The following GAS6 variants were observed in gnomAD, a reference collection of about 807,000 sequenced individuals.
GAS6 encodes growth arrest specific 6.
Under a neutral mutation model 75.8 loss-of-function variants are expected in GAS6, and 41 were observed. The observed-to-expected ratio is 0.54, with a 90% CI of 0.42 to 0.70. The LOEUF (loss-of-function observed/expected upper bound fraction) is 0.70, where lower values mean the gene tolerates loss of function less well. Ranked by LOEUF, GAS6 falls within the 30% of genes least tolerant of loss-of-function variation. GAS6 has a pLI of 0.00. For synonymous variants in GAS6, 432 were observed against 412.6 expected (o/e 1.05, Z -0.57); for missense variants, 854 against 940.2 (o/e 0.91, Z 1.20).
At position 113,821,414 on chromosome 13, in the gene GAS6, C is replaced by T. The variant is rs75954557; in HGVS notation, c.1883-396G>A. On this transcript the variant is annotated intron_variant, in intron 14 of 14. Transcript: ENST00000327773. ...CCAAGAGAGAAATCCTGCCGTTTGC[C>T]GCAAGTGAAAACCTGCGGGCAGCCG... 1,034 of 241,006 alleles carry T rather than the reference C, an allele frequency of 4.3e-3. 14 individuals carry two copies. Among genetic ancestry groups the T allele is most frequent in the African/African-American group, 0.021 (963 of 45,726 alleles). The allele number at this position is 241,006 out of a possible 1,614,324, so 14.9% of individuals were successfully genotyped here.
At chr13:113,852,154 C>A (rs906089886) in intron 2 of GAS6, among the ~76,000 whole-genome samples, 3 of 152,230 alleles carry the variant, frequency 2.0e-5, no homozygotes, top group Non-Finnish European at 2.9e-5. Flanking sequence ...AACATAAATT[C>A]GTAAACTTTC....
In GAS6 at chr13:113,826,984, G is replaced by C. The variant is rs372580584; in HGVS notation, c.1477+12C>G. On this transcript the variant is annotated intron_variant, in intron 12 of 14. Coordinates refer to ENST00000327773, the MANE Select transcript of GAS6 (RefSeq NM_000820.4). ...AGCCACAGCCACCCCAACGGTAAGA[G>C]CCAAGACTTACTGTAGTCCAGGCTG... 6 of 1,611,520 alleles carry C rather than the reference G, an allele frequency of 3.7e-6. No homozygotes were observed. In the African/African-American group the frequency reaches 5.3e-5, roughly 14 times the overall value.
At chr13:113,833,263 G>A in intron 8 of GAS6, 1 of 1,047,628 alleles carries the variant, frequency 9.5e-7, no homozygotes, top group Non-Finnish European at 1.2e-6. Flanking sequence ...TGGGCAGCCA[G>A]GGTGAGCTGG....
intron 2 of GAS6, among the ~76,000 whole-genome samples, chr13:113,861,064 C>T (rs1165230900): frequency 6.6e-6 from 1 of 151,760 alleles, no homozygotes; most frequent in Non-Finnish European, 1.5e-5. Flanking sequence ...GCTGGAAGGG[C>T]TGCACAGCGG....
chr13:113,863,985 CG>C lies in GAS6; in HGVS notation c.-66del, dbSNP rs1376062300. 9.8e-7 allele frequency: 1 copy of C among 1,022,616 alleles called. No individual in the cohort carries two copies. The highest frequency in any genetic ancestry group is 9.7e-5 in the East Asian group (1 of 10,266). 63.3% of individuals were successfully genotyped at this position (1,022,616 alleles called of 1,614,324 possible). A position where few individuals can be genotyped will look rare whatever the true frequency, so the allele number is the denominator to read the frequency against. On this transcript the variant is annotated 5_prime_UTR_variant, in exon 1 of 15. An upstream open reading frame in the 5' UTR loses its in-frame stop. Transcript: ENST00000327773. This position sits in a 1 kb window ranked among gnomAD's most constrained non-coding sequence, Gnocchi z 9.4. Reference sequence around the variant, plus strand: ...GAGGCGAGCCGCGGGCGCCGCGGGGCGGAGGCTCCGGTCATCCCGTCCTGGC... The same window carrying C: ...GAGGCGAGCCGCGGGCGCCGCGGGGCGAGGCTCCGGTCATCCCGTCCTGGC...
At position 113,832,455 on chromosome 13, in the gene GAS6, G is replaced by A. The variant is rs2051640895; in HGVS notation, c.987C>T (p.Asp329=). ...LVAEFDFRTF[D]PEGILLFAGG... ...CGGCAAAGAGGAGGATGCCCTCGGG[G>A]TCAAAGGTCCGGAAGTCAAACTCAG... is the stretch of plus-strand genomic sequence containing the variant. The change falls in exon 10 of 15, where the codon GAC becomes GAT. Residue 329 remains aspartate, a synonymous_variant. Coordinates refer to ENST00000327773, the MANE Select transcript of GAS6 (RefSeq NM_000820.4). 1.2e-6 allele frequency: 2 copies of A among 1,606,544 alleles called. No homozygotes were observed. Among genetic ancestry groups the A allele is most frequent in the Admixed American group, 1.7e-5 (1 of 59,770 alleles).
chr13:113,832,326 C>CG lies in GAS6; in HGVS notation c.1115dup (p.Val373GlyfsTer13). On this transcript the variant is annotated frameshift_variant, in exon 10 of 15. Coordinates refer to ENST00000327773, the MANE Select transcript of GAS6 (RefSeq NM_000820.4). ...TCTGCCACATGCCATGGTTGATGAC[C>CG]GGGCCGCTGCTGGTGACACGGCCGA... 4 of 1,600,928 alleles carry CG rather than the reference C, an allele frequency of 2.5e-6. No homozygotes were observed. The highest frequency in any genetic ancestry group is 3.4e-6 in the Non-Finnish European group (4 of 1,179,788).
intron 6 of GAS6, chr13:113,835,901 A>AG: frequency 2.4e-6 from 2 of 817,870 alleles, no homozygotes; most frequent in African/African-American, 4.3e-5. Flanking sequence ...TGCTTGGTGG[A>AG]GGGGTGGGGG....
chr13:113,835,524 T>G lies in GAS6; in HGVS notation c.701A>C (p.Lys234Thr). Residue 234 changes from lysine (K) to threonine (T), a missense_variant, in exon 7 of 15, where the codon AAG (lysine) becomes ACG (threonine). By Grantham distance (78) the Lys-to-Thr change is moderately conservative. Transcript: ENST00000327773. ...DEGFAYSSQE[K>T]ACRDVDECLQ... ...CGTGGCGTGGGTACCTCGGCAAGCC[T>G]TCTCCTGGGAGCTGTACGCAAAGCC... 2 of 1,612,484 alleles carry G rather than the reference T, an allele frequency of 1.2e-6. No homozygotes were observed. The highest frequency in any genetic ancestry group is 1.7e-6 in the Non-Finnish European group (2 of 1,179,782).
intron 8 of GAS6, chr13:113,833,580 G>GCC: frequency 9.8e-7 from 1 of 1,020,858 alleles, no homozygotes. Context: ...GGTGTGACAG[G>GCC]TCAGTGTGAC....
Position 113,848,142 on chromosome 13 carries a change from G to A in GAS6, c.256-92C>T. On this transcript the variant is annotated intron_variant, in intron 2 of 14. Coordinates refer to ENST00000327773, the MANE Select transcript of GAS6 (RefSeq NM_000820.4). The surrounding 1 kb of genome is among the most constrained non-coding windows in gnomAD (Gnocchi z 4.8). Reference sequence around the variant, plus strand: ...AGCATCAGCTGGTTAATCAGAGGCTGCTCTCGGGGCAGCCAGAGGGCCGCC... The same window carrying A: ...AGCATCAGCTGGTTAATCAGAGGCTACTCTCGGGGCAGCCAGAGGGCCGCC... The A allele has an allele frequency of 7.1e-7, 1 of 1,410,748 alleles. No individual in the cohort carries two copies. The highest frequency in any genetic ancestry group is 1.4e-5 in the African/African-American group (1 of 69,208). 87.4% of individuals were successfully genotyped at this position (1,410,748 alleles called of 1,614,324 possible). A position where few individuals can be genotyped will look rare whatever the true frequency, so the allele number is the denominator to read the frequency against.
rs757186799 is a variant in GAS6, at chr13:113,839,816, A to G, written c.378T>C (p.Asp126=). Reference sequence around the variant, plus strand: ...CCTGGCAGGCTTGGGTCCCCTTCCTATCGCAGGGGTTGGGCGTGCACTGGT... The same window carrying G: ...CCTGGCAGGCTTGGGTCCCCTTCCTGTCGCAGGGGTTGGGCGTGCACTGGT... ...LPDQCTPNPC[D]RKGTQACQDL... Residue 126 remains aspartate, a synonymous_variant, in exon 5 of 15, where the codon GAT becomes GAC. Transcript: ENST00000327773. 2.1e-5 allele frequency: 34 copies of G among 1,613,814 alleles called. No individual in the cohort carries two copies. In the African/African-American group the frequency reaches 2.3e-4, roughly 11 times the overall value.
Position 113,820,695 on chromosome 13 carries a change from C to T in GAS6, c.*169G>A, listed in dbSNP as rs538092019. On this transcript the variant is annotated 3_prime_UTR_variant, in exon 15 of 15. Transcript: ENST00000327773. ...GCGCCCGGGCCCACGGCTGAGTGCG[C>T]GGCGTCAGAGGCCCCAAGTCCATCT... 291 of 785,982 alleles carry T rather than the reference C, an allele frequency of 3.7e-4. No individual in the cohort carries two copies. In the Admixed American group the frequency reaches 6.2e-3, roughly 17 times the overall value. The allele number at this position is 785,982 out of a possible 1,614,324, so 48.7% of individuals were successfully genotyped here. A position where few individuals can be genotyped will look rare whatever the true frequency, so the allele number is the denominator to read the frequency against.
chr13:113,842,395 G>C lies in GAS6; in HGVS notation c.344-2545C>G, dbSNP rs901267602. On this transcript the variant is annotated intron_variant, in intron 4 of 14. Coordinates refer to ENST00000327773, the MANE Select transcript of GAS6 (RefSeq NM_000820.4). ...ACACAGGGGCTGGGGCTGGCCTTCG[G>C]AGTTACGAGGAAACGAGGACCAGGA... The C allele has an allele frequency of 5.8e-5, 23 of 393,438 alleles. 1 individual carries two copies. Among genetic ancestry groups the C allele is most frequent in the Middle Eastern group, 6.3e-4 (1 of 1,580 alleles). The allele number at this position is 393,438 out of a possible 1,614,324, so 24.4% of individuals were successfully genotyped here.
intron 2 of GAS6, among the ~76,000 whole-genome samples, chr13:113,851,677 G>C (rs972514478): frequency 6.6e-6 from 1 of 152,194 alleles, no homozygotes; most frequent in Non-Finnish European, 1.5e-5. Flanking sequence ...GTGGGTGGAT[G>C]GGTGAATGAA....
intron 8 of GAS6, chr13:113,833,579 G>C (rs1213121218): frequency 9.8e-7 from 1 of 1,020,746 alleles, no homozygotes; most frequent in Non-Finnish European, 1.2e-6. Context: ...CGGTGTGACA[G>C]GTCAGTGTGA....
Position 113,844,116 on chromosome 13 carries a change from C to G in GAS6, c.343+2411G>C, listed in dbSNP as rs931579470. The G allele has an allele frequency of 6.6e-6, 1 of 150,780 alleles. No individual in the cohort carries two copies. Among genetic ancestry groups the G allele is most frequent in the Non-Finnish European group, 1.5e-5 (1 of 68,028 alleles). 9.3% of individuals were successfully genotyped at this position (150,780 alleles called of 1,614,324 possible). ...CACAGGCAGGGCAGCCTCTGAGGGC[C>G]GGCTCAGGGAGAGTGGCCGGAGCTT... is the stretch of plus-strand genomic sequence containing the variant. On this transcript the variant is annotated intron_variant, in intron 4 of 14. Coordinates refer to ENST00000327773, the MANE Select transcript of GAS6 (RefSeq NM_000820.4). This position sits in a 1 kb window ranked among gnomAD's most constrained non-coding sequence, Gnocchi z 5.7.
At chr13:113,851,170 G>T (rs1334968169) in intron 2 of GAS6, among the ~76,000 whole-genome samples, 1 of 151,836 alleles carries the variant, frequency 6.6e-6, no homozygotes, top group Non-Finnish European at 1.5e-5. Context: ...AGGATGGACG[G>T]ATGACTGAGT....
intron 3 of GAS6, 30 bp downstream of exon 3, chr13:113,847,996 A>C: frequency 6.2e-7 from 1 of 1,601,332 alleles, no homozygotes; most frequent in Non-Finnish European, 8.6e-7. Flanking sequence ...CCTCTACGAC[A>C]ACCAGAGTAG....
Sources: gnomAD v4.1 joint callset for allele counts (sites outside exome capture counted in the v4.1 genomes callset) on GRCh38, gnomAD v4.1.1 for gene constraint, Gnocchi (gnomAD v3.1) non-coding constraint, MANE v1.5 for transcripts, NCBI Gene and HGNC (gene_info 2026-07-23, HGNC 2026-07-21) for gene names.